Variants in WASL observed in about 807,000 individuals in gnomAD.
WASL encodes the protein WASP like actin nucleation promoting factor.
WASL carries 20 observed loss-of-function variants against 55.5 expected under a neutral mutation model. The observed-to-expected ratio is 0.36, with a 90% CI of 0.25 to 0.52. WASL has a LOEUF of 0.52. WASL is among the 20% of genes least tolerant of loss of function. The probability of loss-of-function intolerance (pLI) is 0.92; values close to 1 mark genes in which losing one functional copy is unlikely to be tolerated. For missense variants in WASL, 504 were observed against 622.5 expected (o/e 0.81, Z 2.03); for synonymous variants, 249 against 217.6 (o/e 1.14, Z -1.27).
At chr7:123,696,773 A>G (rs1314587576) in intron 5 of WASL, 26 bp from the exon 6 acceptor site, 1 of 1,428,970 alleles carries the variant, frequency 7.0e-7, no homozygotes, top group Non-Finnish European at 9.3e-7. Flanking sequence ...AATTATATAA[A>G]AGGGATATAA....
intron 1 of WASL, among the ~76,000 whole-genome samples, chr7:123,746,363 G>A (rs574354900): frequency 1.3e-5 from 2 of 152,300 alleles, no homozygotes; most frequent in South Asian, 4.1e-4. Context: ...CTTAGGTAGA[G>A]CTCTGAGTAC....
chr7:123,699,751 C>T (rs1803548122), intron 5 of WASL, among the ~76,000 whole-genome samples: 1 of 152,164 alleles, frequency 6.6e-6, no homozygotes, highest in African/African-American at 2.4e-5. Context: ...AAATGAGTAA[C>T]AATGTTTAAC....
At chr7:123,699,057 T>C (rs555740017) in intron 5 of WASL, among the ~76,000 whole-genome samples, 1 of 152,292 alleles carries the variant, frequency 6.6e-6, no homozygotes, top group African/African-American at 2.4e-5. Context: ...CTTAATAAAA[T>C]GTAAGAATTA....
At chr7:123,733,057 A>G (rs1804167488) in intron 1 of WASL, among the ~76,000 whole-genome samples, 1 of 152,212 alleles carries the variant, frequency 6.6e-6, no homozygotes, top group Non-Finnish European at 1.5e-5. Context: ...AGCTAACCCC[A>G]TACTTACTGG....
chr7:123,685,875 AATATATAT>A (rs1441126377), intron 10 of WASL, among the ~76,000 whole-genome samples: 1 of 111,964 alleles, frequency 8.9e-6, no homozygotes, highest in East Asian at 2.7e-4. Context: ...TAAATATATA[AATATATAT>A]AAATATGTAT....
intron 4 of WASL, among the ~76,000 whole-genome samples, chr7:123,704,947 T>C (rs1194376845): frequency 6.6e-6 from 1 of 152,182 alleles, no homozygotes. Flanking sequence ...GACTAGATCA[T>C]GTAGGGTTCC....
chr7:123,716,011 C>T (rs1161626391), intron 1 of WASL, among the ~76,000 whole-genome samples: 1 of 152,054 alleles, frequency 6.6e-6, no homozygotes, highest in East Asian at 1.9e-4. Flanking sequence ...ATAGGTGCGG[C>T]TGGTTCTCTT....
chr7:123,693,873 T>A (rs1394529653), intron 8 of WASL, among the ~76,000 whole-genome samples: 2 of 152,142 alleles, frequency 1.3e-5, no homozygotes, highest in African/African-American at 2.4e-5. Flanking sequence ...GGCTGAGGCA[T>A]GAGAATCCTT....
At chr7:123,699,459 T>A (rs1432711499) in intron 5 of WASL, among the ~76,000 whole-genome samples, 1 of 152,132 alleles carries the variant, frequency 6.6e-6, no homozygotes, top group Non-Finnish European at 1.5e-5. Flanking sequence ...ATAGCAACTA[T>A]AAACAATCAG....
At chr7:123,702,722 T>C (rs1237648201) in intron 5 of WASL, among the ~76,000 whole-genome samples, 1 of 152,216 alleles carries the variant, frequency 6.6e-6, no homozygotes, top group African/African-American at 2.4e-5. Flanking sequence ...TTAGGTATTA[T>C]GAGTACTCTA....
rs548415003 is a variant in WASL at position 123,699,701 on chromosome 7, T to G, written c.461-2954A>C. On this transcript the variant is annotated intron_variant, in intron 5 of 10. Transcript: ENST00000223023. Reference sequence around the variant, plus strand: ...GTAATTCAGCTGTCTCTGAGGAAGATTCAAGAATGAGGATAGGAACAAAAT... The same window carrying G: ...GTAATTCAGCTGTCTCTGAGGAAGAGTCAAGAATGAGGATAGGAACAAAAT... Among the ~76,000 whole-genome samples, 34 of 152,282 alleles carry G rather than the reference T, an allele frequency of 2.2e-4. No individual in the cohort carries two copies. In the East Asian group the frequency reaches 6.0e-3, roughly 27 times the overall value.
chr7:123,738,002 A>G (rs1464405400), intron 1 of WASL, among the ~76,000 whole-genome samples: 2 of 152,196 alleles, frequency 1.3e-5, no homozygotes, highest in East Asian at 1.9e-4. Flanking sequence ...AAATAATCCA[A>G]TAGAAAATTG....
chr7:123,700,633 T>A (rs1803573168), intron 5 of WASL, among the ~76,000 whole-genome samples: 1 of 151,852 alleles, frequency 6.6e-6, no homozygotes, highest in Admixed American at 6.6e-5. Context: ...AGAGATGGGG[T>A]TTCATCGTAT....
intron 1 of WASL, among the ~76,000 whole-genome samples, chr7:123,737,124 A>G (rs911231502): frequency 1.3e-5 from 2 of 152,192 alleles, no homozygotes; most frequent in Admixed American, 6.5e-5. Context: ...CATAAAATAC[A>G]TTAACCCTAA....
Position 123,683,658 on chromosome 7 carries a change from T to C in WASL, c.*861A>G, listed in dbSNP as rs564297624. ...ACTATTCTGATTTGTATAGTTTTTT[T>C]AACCAAATATTGGAGTTACCATAAT... On this transcript the variant is annotated 3_prime_UTR_variant, in exon 11 of 11. Transcript: ENST00000223023. 1 of 152,202 alleles carries C rather than the reference T, an allele frequency of 6.6e-6. No individual in the cohort carries two copies. The highest frequency in any genetic ancestry group is 6.6e-5 in the Admixed American group (1 of 15,264). 9.4% of individuals were successfully genotyped at this position (152,202 alleles called of 1,614,324 possible).
At chr7:123,733,738 T>C (rs2116818250) in intron 1 of WASL, among the ~76,000 whole-genome samples, 1 of 152,246 alleles carries the variant, frequency 6.6e-6, no homozygotes, top group East Asian at 1.9e-4. Context: ...GCTGCAGTAA[T>C]CAGGCAGTGT....
At chr7:123,713,621 C>T (rs1803794288) in intron 1 of WASL, among the ~76,000 whole-genome samples, 1 of 152,072 alleles carries the variant, frequency 6.6e-6, no homozygotes, top group South Asian at 2.1e-4. Flanking sequence ...CCTCAAATGT[C>T]TGAAAACTAA....
intron 1 of WASL, among the ~76,000 whole-genome samples, chr7:123,732,109 C>T (rs955563602): frequency 5.3e-5 from 8 of 152,044 alleles, no homozygotes; most frequent in Non-Finnish European, 5.9e-5. Context: ...AGGCAGATCA[C>T]GAGATCAGGA....
chr7:123,735,859 C>A (rs931224656), intron 1 of WASL, among the ~76,000 whole-genome samples: 28 of 151,766 alleles, frequency 1.8e-4, no homozygotes, highest in African/African-American at 6.3e-4. Flanking sequence ...AAACGCAGGG[C>A]CAGGGAAAGA....
Sources: gnomAD v4.1 joint callset for allele counts (sites outside exome capture counted in the v4.1 genomes callset) on GRCh38, gnomAD v4.1.1 for gene constraint, MANE v1.5 for transcripts, NCBI Gene and HGNC (gene_info 2026-07-23, HGNC 2026-07-21) for gene names.